TRAK1: variants seen among roughly 807,000 people sequenced by gnomAD.
The protein encoded by TRAK1 is trafficking kinesin-binding protein 1.
A neutral mutation model predicts 92.1 loss-of-function variants in TRAK1; 33 were observed. That is an observed-to-expected ratio of 0.36 (90% CI 0.27 to 0.48). The LOEUF (loss-of-function observed/expected upper bound fraction) is 0.48. Among genes scored for constraint, TRAK1 ranks in the 20% least tolerant of loss-of-function variants. The pLI, the probability that TRAK1 is intolerant of heterozygous loss-of-function variation, is 0.99. For missense variants in TRAK1, 1,123 were observed against 1,257.9 expected (o/e 0.89, Z 1.62); for synonymous variants, 521 against 517.3 (o/e 1.01, Z -0.10).
intron 2 of TRAK1, among the ~76,000 whole-genome samples, chr3:42,127,994 C>T (rs1267245887): frequency 5.9e-5 from 9 of 152,052 alleles, no homozygotes; most frequent in African/African-American, 1.9e-4. Context: ...GCCTGACCAA[C>T]GTGGAGAAAC....
chr3:42,201,105 G>A lies in TRAK1; in HGVS notation c.1427+51G>A, dbSNP rs373197546. On this transcript the variant is annotated intron_variant, in intron 12 of 15. Coordinates refer to ENST00000327628, the MANE Select transcript of TRAK1 (RefSeq NM_001042646.3). ...CTCTGTTTTGGGGTGAGGAGTGGTA[G>A]TATGGATTGTCTGCAGGCTCAGTAA... 5 of 1,562,434 alleles carry A rather than the reference G, an allele frequency of 3.2e-6. No individual in the cohort carries two copies. The African/African-American group carries it at 6.8e-5, about 21-fold the overall frequency.
Position 42,223,272 on chromosome 3 carries a change from C to G in TRAK1, c.2397C>G (p.Phe799Leu), listed in dbSNP as rs1284267379. ...TPTSSPPSFE[F>L]KCTSPPYDNF... ...CATCCTCCCCACCCTCCTTTGAGTT[C>G]AAGTGCACGAGCCCTCCCTACGACA... is the stretch of plus-strand genomic sequence containing the variant. The change falls in exon 16 of 16, where the codon TTC (phenylalanine) becomes TTG (leucine). Residue 799 changes from phenylalanine (F) to leucine (L), a missense_variant. Physicochemically the swap from Phe to Leu is conservative, Grantham distance 22. Around this residue, in one of 3 missense-constraint regions of TRAK1, gnomAD observed 401 missense variants for 438.9 expected, o/e 0.91. Coordinates refer to ENST00000327628, the MANE Select transcript of TRAK1 (RefSeq NM_001042646.3). The surrounding 1 kb of genome is among the most constrained non-coding windows in gnomAD (Gnocchi z 6.1). 6.2e-7 allele frequency: 1 copy of G among 1,614,080 alleles called. No individual in the cohort carries two copies.
chr3:42,038,177 G>A (rs1576148735), intron 1 of TRAK1, among the ~76,000 whole-genome samples: 2 of 152,348 alleles, frequency 1.3e-5, no homozygotes, highest in East Asian at 1.9e-4. Context: ...TGGAAAGGGA[G>A]GCAGTGGGTC....
intron 2 of TRAK1, among the ~76,000 whole-genome samples, chr3:42,130,979 C>T (rs527668527): frequency 2.6e-5 from 4 of 152,160 alleles, no homozygotes; most frequent in African/African-American, 4.8e-5. Flanking sequence ...ATTATTATAC[C>T]CCCATTTTCA....
intron 2 of TRAK1, among the ~76,000 whole-genome samples, chr3:42,158,748 C>T (rs1451197542): frequency 6.8e-6 from 1 of 146,516 alleles, no homozygotes; most frequent in South Asian, 2.2e-4. Flanking sequence ...TTGAGACCAT[C>T]CTGGTGAACA....
intron 6 of TRAK1, among the ~76,000 whole-genome samples, chr3:42,189,603 G>T (rs1705383790): frequency 6.6e-6 from 1 of 152,032 alleles, no homozygotes; most frequent in African/African-American, 2.4e-5. Context: ...TGCGATCTTG[G>T]CTCTGCAACC....
In TRAK1 at chr3:42,091,569, G is replaced by T. The variant is rs780888273; in HGVS notation, c.91+9G>T. On this transcript the variant is annotated intron_variant, in intron 1 of 15. Transcript: ENST00000327628. ...TCGGACAAACGCCTGTGGTAAGTTT[G>T]TTTGCCAGGTCTGTCTGCTGTCTGT... The T allele has an allele frequency of 1.9e-6, 3 of 1,610,124 alleles. No homozygotes were observed. The highest frequency in any genetic ancestry group is 3.4e-5 in the Admixed American group (2 of 58,732).
chr3:42,075,414 T>C (rs1704112251), intron 1 of TRAK1, among the ~76,000 whole-genome samples: 1 of 150,590 alleles, frequency 6.6e-6, no homozygotes, highest in South Asian at 2.1e-4. Context: ...ACTCCTGGGC[T>C]CAAGTGCTAT....
At chr3:42,090,742 C>A (rs115628731), upstream of TRAK1, among the ~76,000 whole-genome samples, 1 of 152,160 alleles carries the variant, frequency 6.6e-6, no homozygotes, top group Non-Finnish European at 1.5e-5. Context: ...GAATGTAGTG[C>A]TGAAACTTCA....
chr3:42,224,147 C>G lies in TRAK1; in HGVS notation c.*410C>G. 2.2e-6 allele frequency: 1 copy of G among 457,754 alleles called. No homozygotes were observed. The allele number at this position is 457,754 out of a possible 1,614,324, so 28.4% of individuals were successfully genotyped here. A position where few individuals can be genotyped will look rare whatever the true frequency, so the allele number is the denominator to read the frequency against. Reference sequence around the variant, plus strand: ...TGGCACACCACGAGCTGTCACGCGGCACGGGTCATAACACATCTGGGTGTC... The same window carrying G: ...TGGCACACCACGAGCTGTCACGCGGGACGGGTCATAACACATCTGGGTGTC... On this transcript the variant is annotated 3_prime_UTR_variant, in exon 16 of 16. Transcript: ENST00000327628.
At chr3:42,219,210 C>T (rs1392137976) in intron 14 of TRAK1, 1 of 984,650 alleles carries the variant, frequency 1.0e-6, no homozygotes, top group African/African-American at 1.8e-5. Context: ...TCGCCTCCCA[C>T]CCCCAGACTG....
chr3:42,055,821 G>T (rs1020028278), intron 1 of TRAK1, among the ~76,000 whole-genome samples: 1 of 152,096 alleles, frequency 6.6e-6, no homozygotes, highest in Non-Finnish European at 1.5e-5. Context: ...GTATCCATTA[G>T]CAGTTACTCC....
chr3:42,030,372 A>AAT lies in TRAK1; in HGVS notation c.-519+16272_-519+16273dup, dbSNP rs1553701575. Among the ~76,000 whole-genome samples, 115 of 132,296 alleles carry AAT rather than the reference A, an allele frequency of 8.7e-4. 2 individuals carry two copies. The highest frequency in any genetic ancestry group is 5.4e-3 in the East Asian group (24 of 4,444). The allele number at this position is 132,296 out of a possible 152,430, so 86.8% of individuals were successfully genotyped here. ...GCGAGACCCTGTCTCTAAAAAAAAAAATATATATATATATATATGGCCGGG... is the reference window on the plus strand; with the variant it reads ...GCGAGACCCTGTCTCTAAAAAAAAAAATATATATATATATATATATGGCCGGG... On this transcript the variant is annotated intron_variant, in intron 1 of 16. Transcript: ENST00000487159.
chr3:42,078,752 C>CAAAAAAAA (rs748321736), intron 1 of TRAK1, among the ~76,000 whole-genome samples: 3 of 49,464 alleles, frequency 6.1e-5, no homozygotes, highest in African/African-American at 1.9e-4. Flanking sequence ...GATTCCATCT[C>CAAAAAAAA]AAAAAAAAAA....
At chr3:42,212,579 T>A (rs1709184926) in intron 14 of TRAK1, 1 of 966,260 alleles carries the variant, frequency 1.0e-6, no homozygotes, top group Non-Finnish European at 1.2e-6. Flanking sequence ...CATGTTATTG[T>A]ATTGTAAATA....
chr3:42,052,455 C>A (rs1703021036), intron 1 of TRAK1, among the ~76,000 whole-genome samples: 1 of 152,184 alleles, frequency 6.6e-6, no homozygotes, highest in Admixed American at 6.5e-5. Context: ...TCCCACATAG[C>A]CTGGAAGGAG....
rs375315730 is a variant in TRAK1 at position 42,110,094 on chromosome 3, GTATATATATATATATATATA to G, written c.92-15307_92-15288del. 3.7e-3 allele frequency among the ~76,000 whole-genome samples: 310 copies of G among 83,234 alleles called. 5 individuals are homozygous for G. Among genetic ancestry groups the G allele is most frequent in the Middle Eastern group, 6.6e-3 (1 of 152 alleles). 54.6% of individuals were successfully genotyped at this position (83,234 alleles called of 152,430 possible). Reference sequence around the variant, plus strand: ...GTGCACATGTACCCTAGAACTTAAAGTATATATATATATATATATATATATATATATATATATAAACTTTG... The same window carrying G: ...GTGCACATGTACCCTAGAACTTAAAGTATATATATATATATATAAACTTTG... On this transcript the variant is annotated intron_variant, in intron 1 of 15. Transcript: ENST00000327628.
At chr3:42,111,488 C>T (rs768758669) in intron 1 of TRAK1, among the ~76,000 whole-genome samples, 42 of 151,954 alleles carry the variant, frequency 2.8e-4, no homozygotes, top group Non-Finnish European at 5.4e-4. Flanking sequence ...CTCCGCCTCC[C>T]GGGTTCACAA....
chr3:42,187,314 G>T (rs1398940870), intron 4 of TRAK1, among the ~76,000 whole-genome samples: 1 of 152,212 alleles, frequency 6.6e-6, no homozygotes, highest in African/African-American at 2.4e-5. Flanking sequence ...GGCATCTCCA[G>T]GACCCTATTT....
Sources: allele counts gnomAD v4.1 joint callset (sites outside exome capture counted in the v4.1 genomes callset), GRCh38; gene constraint gnomAD v4.1.1; regional missense constraint gnomAD v4.1.1; non-coding constraint Gnocchi (gnomAD v3.1); transcripts MANE v1.5; gene names NCBI Gene and HGNC (gene_info 2026-07-23, HGNC 2026-07-21).